PHKA2: variants seen among roughly 807,000 people sequenced by gnomAD.
PHKA2 encodes phosphorylase kinase regulatory subunit alpha 2.
Under a neutral mutation model 102.0 loss-of-function variants are expected in PHKA2, and 31 were observed. The ratio of observed to expected loss-of-function variants is 0.30; its 90% CI spans 0.23 to 0.41. The LOEUF (loss-of-function observed/expected upper bound fraction) is 0.41, where lower values mean the gene tolerates loss of function less well. Ranked by LOEUF, PHKA2 falls within the 10% of genes least tolerant of loss-of-function variation. The probability of loss-of-function intolerance (pLI) is 1.00; values close to 1 mark genes in which losing one functional copy is unlikely to be tolerated. For synonymous variants in PHKA2, 455 were observed against 416.2 expected, an observed-to-expected ratio of 1.09 and a Z score of -1.13; for missense variants, 858 against 1,023.1, an observed-to-expected ratio of 0.84 and a Z score of 2.20.
intron 1 of PHKA2, among the ~76,000 whole-genome samples, chrX:18,975,505 G>A (rs1009533102): frequency 3.6e-5 from 4 of 111,493 alleles, no homozygotes; most frequent in Non-Finnish European, 5.6e-5. Context: ...GCATGAAAAC[G>A]GACTAATACA....
rs879137819 is a variant in PHKA2 at position 18,892,743 on chromosome X, CTTT to C, written c.*739_*741del. On this transcript the variant is annotated 3_prime_UTR_variant, in exon 33 of 33. Coordinates refer to ENST00000379942, the MANE Select transcript of PHKA2 (RefSeq NM_000292.3). ...TGCCTGGCTATAAGAGGAGCCTTGTCTTTTTTTTTTTTTTTTTCTAGATTCCAG... is the reference window on the plus strand; with the variant it reads ...TGCCTGGCTATAAGAGGAGCCTTGTCTTTTTTTTTTTTTTCTAGATTCCAG... 2 of 94,156 alleles carry C rather than the reference CTTT, an allele frequency of 2.1e-5. No individual in the cohort carries two copies. Among genetic ancestry groups the C allele is most frequent in the Non-Finnish European group, 4.3e-5 (2 of 46,629 alleles). The allele number at this position is 94,156 out of a possible 1,213,427, so 7.8% of individuals were successfully genotyped here. A position where few individuals can be genotyped will look rare whatever the true frequency, so the allele number is the denominator to read the frequency against.
At chrX:18,929,406 C>A in intron 12 of PHKA2, 100 bp from the exon 13 acceptor site, 2 of 582,553 alleles carry the variant, frequency 3.4e-6, no homozygotes, top group South Asian at 2.6e-5. Context: ...TCAACATATT[C>A]AAGACTTTTT....
At chrX:18,967,170 C>G (rs2048957651) in intron 1 of PHKA2, among the ~76,000 whole-genome samples, 1 of 110,945 alleles carries the variant, frequency 9.0e-6, no homozygotes. Context: ...GGCTTTCTCT[C>G]ATTTTCTCCT....
chrX:18,974,126 C>T (rs943286455), intron 1 of PHKA2, among the ~76,000 whole-genome samples: 2 of 110,404 alleles, frequency 1.8e-5, no homozygotes, highest in Non-Finnish European at 3.8e-5. Context: ...CTCATGCACG[C>T]CAAGACTTTG....
intron 19 of PHKA2, among the ~76,000 whole-genome samples, chrX:18,917,557 C>G (rs1202757974): frequency 9.0e-6 from 1 of 111,085 alleles, no homozygotes; most frequent in Admixed American, 9.6e-5. Context: ...CCACGCCCAG[C>G]CAAAAAAATG....
At position 18,895,148 on chromosome X, in the gene PHKA2, G is replaced by T. The variant is rs780391791; in HGVS notation, c.3326C>A (p.Thr1109Lys). 2.7e-5 allele frequency: 33 copies of T among 1,209,138 alleles called. No homozygotes were observed. Among genetic ancestry groups the T allele is most frequent in the African/African-American group, 3.5e-5 (2 of 57,181 alleles). ...TTTTTCTCATCGTACCTCTCGGGTC[G>T]TCGAGGATGGGAGGACATAACCATC... ...SIDGYVLPSS[T>K]TREMTPHEIK... The change falls in exon 31 of 33, where the codon ACG becomes AAG. Residue 1109 changes from threonine to lysine, a missense_variant. Physicochemically the swap from Thr to Lys is moderately conservative, Grantham distance 78 (BLOSUM62 -1). Transcript: ENST00000379942.
intron 12 of PHKA2, among the ~76,000 whole-genome samples, chrX:18,930,950 G>A (rs2048304933): frequency 2.7e-5 from 3 of 111,054 alleles, no homozygotes; most frequent in Non-Finnish European, 5.7e-5. Context: ...CTGCCTCCCC[G>A]GGGTCCAGCC....
intron 24 of PHKA2, 26 bp downstream of exon 24, chrX:18,906,710 C>A (rs761212120): frequency 8.4e-7 from 1 of 1,197,047 alleles, no homozygotes; most frequent in Non-Finnish European, 1.1e-6. Flanking sequence ...GGCTGTGGCC[C>A]GACCCCTCCC....
chrX:18,968,395 T>C (rs1389643239), intron 1 of PHKA2, among the ~76,000 whole-genome samples: 2 of 107,848 alleles, frequency 1.9e-5, no homozygotes, highest in East Asian at 5.5e-4. Context: ...TTGAAGTATA[T>C]GAAGAAAATC....
At position 18,954,257 on chromosome X, in the gene PHKA2, C is replaced by T; in HGVS notation, c.234G>A (p.Glu78=). The T allele has an allele frequency of 2.8e-5, 34 of 1,211,705 alleles. No homozygotes were observed. Among genetic ancestry groups the T allele is most frequent in the Non-Finnish European group, 3.6e-5 (32 of 895,180 alleles). ...TACAGCTGTCAGTCACTATTACCTGCTCCAGCTCGTAGGCCTTGGCCTTGT... is the reference window on the plus strand; with the variant it reads ...TACAGCTGTCAGTCACTATTACCTGTTCCAGCTCGTAGGCCTTGGCCTTGT... The part of the protein sequence containing the change: ...DEDKAKAYEL[E]QNVVKLMRGL... Residue 78 remains glutamate (E), a synonymous_variant, in exon 2 of 33, where the codon GAG becomes GAA. Transcript: ENST00000379942.
chrX:18,924,661 C>T (rs890657610), intron 15 of PHKA2, 136 bp from the exon 16 acceptor site: 2 of 601,431 alleles, frequency 3.3e-6, no homozygotes, highest in East Asian at 3.4e-5. Flanking sequence ...TCCACCCAGT[C>T]ATGGGGCTGC....
chrX:18,956,597 G>T (rs943611652), intron 1 of PHKA2, among the ~76,000 whole-genome samples: 54 of 112,393 alleles, frequency 4.8e-4, no homozygotes, highest in Non-Finnish European at 8.1e-4. Context: ...TGTTGGAGTA[G>T]ATTAGTTCAT....
rs745684611 is a variant in PHKA2 at position 18,928,790 on chromosome X, C to T, written c.1324+438G>A. Among the ~76,000 whole-genome samples, 256 of 112,563 alleles carry T rather than the reference C, an allele frequency of 2.3e-3. No individual in the cohort carries two copies. The Middle Eastern group carries it at 0.023, about 10-fold the overall frequency. ...GCAGCAGCCTGGGCTGGTCTCGCCC[C>T]TCTCCAGAAGAAGGGCTGGCTGGAG... On this transcript the variant is annotated intron_variant, in intron 13 of 32. Transcript: ENST00000379942.
intron 1 of PHKA2, among the ~76,000 whole-genome samples, chrX:18,967,618 C>T (rs1421415518): frequency 9.4e-6 from 1 of 106,462 alleles, no homozygotes; most frequent in Non-Finnish European, 1.9e-5. Context: ...GGGGAATTTC[C>T]TTCCATTCTA....
rs757687263 is a variant in PHKA2 at position 18,948,747 on chromosome X, G to A, written c.534C>T (p.Val178=). ...GACTACCAGGGTTGATACTTACAGC[G>A]ACTTTATATGCAGCTTCTATGTAAA... ...LVFYIEAAYK[V]ADYGMWERGD... is the part of the protein sequence containing the mutation. The change falls in exon 5 of 33, where the codon GTC becomes GTT. Residue 178 remains valine (V), a synonymous_variant. Coordinates refer to ENST00000379942, the MANE Select transcript of PHKA2 (RefSeq NM_000292.3). 5.6e-5 allele frequency: 65 copies of A among 1,152,322 alleles called. No homozygotes were observed. The highest frequency in any genetic ancestry group is 7.1e-5 in the Non-Finnish European group (60 of 844,999). 95.0% of individuals were successfully genotyped at this position (1,152,322 alleles called of 1,213,427 possible).
intron 18 of PHKA2, among the ~76,000 whole-genome samples, chrX:18,919,288 T>G (rs2048074571): frequency 8.9e-6 from 1 of 111,815 alleles, no homozygotes; most frequent in African/African-American, 3.2e-5. Flanking sequence ...TTATTCAGAC[T>G]GACAAATGTT....
chrX:18,957,733 C>T (rs1316824550), intron 1 of PHKA2, among the ~76,000 whole-genome samples: 1 of 92,948 alleles, frequency 1.1e-5, no homozygotes, highest in African/African-American at 5.3e-5. Context: ...GTTACTAAAA[C>T]CAGATTATAT....
intron 1 of PHKA2, among the ~76,000 whole-genome samples, chrX:18,955,488 T>C (rs776062309): frequency 9.1e-6 from 1 of 109,829 alleles, no homozygotes; most frequent in East Asian, 2.8e-4. Flanking sequence ...AATAGGTGAA[T>C]TGTATGGTAA....
chrX:18,983,883 A>G lies in PHKA2; in HGVS notation c.50T>C (p.Leu17Pro). Reference sequence around the variant, plus strand: ...GTAACACAGGATGGTTTGCTGCACCAGCCGCGCGTACCCGTCCAAGCGGAC... The same window carrying G: ...GTAACACAGGATGGTTTGCTGCACCGGCCGCGCGTACCCGTCCAAGCGGAC... ...SGVRLDGYAR[L>P]VQQTILCYQN... The change falls in exon 1 of 33, where the codon CTG (leucine) becomes CCG (proline). Residue 17 changes from leucine to proline, a missense_variant. By Grantham distance (98) the Leu-to-Pro change is moderately conservative. Transcript: ENST00000379942. The G allele has an allele frequency of 8.3e-7, 1 of 1,211,579 alleles. No homozygotes were observed. Among genetic ancestry groups the G allele is most frequent in the Non-Finnish European group, 1.1e-6 (1 of 895,115 alleles).
Sources: allele counts gnomAD v4.1 joint callset (sites outside exome capture counted in the v4.1 genomes callset), GRCh38; gene constraint gnomAD v4.1.1; transcripts MANE v1.5; gene names NCBI Gene and HGNC (gene_info 2026-07-23, HGNC 2026-07-21).